ETV6: variants seen among roughly 807,000 people sequenced by gnomAD.
ETV6 encodes transcription factor ETV6.
ETV6 carries 16 observed loss-of-function variants against 51.1 expected under a neutral mutation model. The observed-to-expected ratio is 0.31, with a 90% confidence interval of 0.21 to 0.48. ETV6 has a LOEUF of 0.48. Ranked by LOEUF, ETV6 falls within the 20% of genes least tolerant of loss-of-function variation. The pLI is 0.99. For synonymous variants in ETV6, 240 were observed against 224.1 expected, an observed-to-expected ratio of 1.07 and a Z score of -0.64; for missense variants, 458 against 594.8, an observed-to-expected ratio of 0.77 and a Z score of 2.39.
chr12:11,808,731 G>T (rs1289828376), intron 2 of ETV6, among the ~76,000 whole-genome samples: 1 of 152,118 alleles, frequency 6.6e-6, no homozygotes, highest in Non-Finnish European at 1.5e-5. Flanking sequence ...CACCAAAGAG[G>T]GTAATAGCAG....
At chr12:11,833,447 A>G (rs1946271444) in intron 2 of ETV6, among the ~76,000 whole-genome samples, 1 of 152,094 alleles carries the variant, frequency 6.6e-6, no homozygotes, top group South Asian at 2.1e-4. Flanking sequence ...CAGTGCCTGC[A>G]TGCTGAACTA....
chr12:11,831,839 C>T (rs1946250563), intron 2 of ETV6, among the ~76,000 whole-genome samples: 1 of 152,146 alleles, frequency 6.6e-6, no homozygotes, highest in Non-Finnish European at 1.5e-5. Flanking sequence ...AATAACACTG[C>T]AATAGACATC....
At chr12:11,838,241 A>C (rs1241073203) in intron 2 of ETV6, among the ~76,000 whole-genome samples, 6 of 152,228 alleles carry the variant, frequency 3.9e-5, no homozygotes, top group Non-Finnish European at 8.8e-5. Context: ...AAGATGTTTT[A>C]CTTCATAGGC....
At chr12:11,714,184 G>A (rs1036432845) in intron 1 of ETV6, among the ~76,000 whole-genome samples, 1 of 152,288 alleles carries the variant, frequency 6.6e-6, no homozygotes, top group East Asian at 1.9e-4. Context: ...TAACGTTGGA[G>A]ATGAGAGGAA....
chr12:11,721,170 T>C lies in ETV6; in HGVS notation c.34-31280T>C, dbSNP rs562464264. Among the ~76,000 whole-genome samples, 7 of 152,230 alleles carry C rather than the reference T, an allele frequency of 4.6e-5. No individual in the cohort carries two copies. The South Asian group carries it at 1.5e-3, about 32-fold the overall frequency. Reference sequence around the variant, plus strand: ...GAAAGCAGTTTGGAGATTTCTCAACTTAAAACAGAGCTACCATTCAGCCCA... The same window carrying C: ...GAAAGCAGTTTGGAGATTTCTCAACCTAAAACAGAGCTACCATTCAGCCCA... On this transcript the variant is annotated intron_variant, in intron 1 of 7. Coordinates refer to ENST00000396373, the MANE Select transcript of ETV6 (RefSeq NM_001987.5).
chr12:11,876,591 T>C (rs914462825), intron 5 of ETV6, among the ~76,000 whole-genome samples: 1 of 152,206 alleles, frequency 6.6e-6, no homozygotes, highest in African/African-American at 2.4e-5. Flanking sequence ...AGGAAGAAGA[T>C]TCGTTGGTAC....
chr12:11,761,809 A>T (rs547451800), intron 2 of ETV6, among the ~76,000 whole-genome samples: 33 of 152,358 alleles, frequency 2.2e-4, no homozygotes, highest in African/African-American at 7.7e-4. Context: ...GCCTGAGTAT[A>T]TGATTCCTAA....
intron 2 of ETV6, among the ~76,000 whole-genome samples, chr12:11,786,509 A>C (rs1008954703): frequency 6.6e-6 from 1 of 152,254 alleles, no homozygotes; most frequent in African/African-American, 2.4e-5. Flanking sequence ...TTTCTGATCA[A>C]ATATGATGCA....
At chr12:11,889,263 G>T (rs940364515) in intron 7 of ETV6, among the ~76,000 whole-genome samples, 1 of 152,178 alleles carries the variant, frequency 6.6e-6, no homozygotes, top group African/African-American at 2.4e-5. Flanking sequence ...AAGTTTGCCA[G>T]TAATGAGCAG....
intron 1 of ETV6, among the ~76,000 whole-genome samples, chr12:11,746,154 A>C (rs1865904628): frequency 6.6e-6 from 1 of 152,176 alleles, no homozygotes; most frequent in African/African-American, 2.4e-5. Context: ...TTCTGTGAGG[A>C]GTGAGGATGC....
intron 1 of ETV6, among the ~76,000 whole-genome samples, chr12:11,687,209 G>GT (rs1864649535): frequency 2.6e-5 from 2 of 77,354 alleles, no homozygotes; most frequent in African/African-American, 5.1e-5. Flanking sequence ...CCTTTTTTCT[G>GT]TTCTTTTTTT....
At chr12:11,785,280 T>C (rs939951613) in intron 2 of ETV6, among the ~76,000 whole-genome samples, 3 of 152,146 alleles carry the variant, frequency 2.0e-5, no homozygotes, top group African/African-American at 7.2e-5. Context: ...CTACCAAATA[T>C]ATACTTGAAC....
At chr12:11,750,792 CTTTTTTT>C (rs6144613) in intron 1 of ETV6, 160 of 369,842 alleles carry the variant, frequency 4.3e-4, no homozygotes, top group Middle Eastern at 1.8e-3. Context: ...TATGTGTGGG[CTTTTTTT>C]TTTTTTTTTT....
intron 1 of ETV6, among the ~76,000 whole-genome samples, chr12:11,663,239 T>C (rs1418277574): frequency 6.6e-6 from 1 of 151,856 alleles, no homozygotes; most frequent in Non-Finnish European, 1.5e-5. Context: ...GGTTCCTAGG[T>C]ACAGCTACCA....
intron 2 of ETV6, among the ~76,000 whole-genome samples, chr12:11,798,268 T>C (rs1215355888): frequency 6.6e-6 from 1 of 152,066 alleles, no homozygotes; most frequent in Admixed American, 6.6e-5. Context: ...ATTTGGGCCA[T>C]GAAGGAAATT....
At chr12:11,684,041 G>A (rs1399754067) in intron 1 of ETV6, among the ~76,000 whole-genome samples, 1 of 152,172 alleles carries the variant, frequency 6.6e-6, no homozygotes, top group Non-Finnish European at 1.5e-5. Flanking sequence ...TGGATAGAGG[G>A]TAAAGGTAGT....
intron 2 of ETV6, among the ~76,000 whole-genome samples, chr12:11,807,832 G>A (rs1485362565): frequency 6.6e-6 from 1 of 152,304 alleles, no homozygotes; most frequent in South Asian, 2.1e-4. Flanking sequence ...AAGAATGTAG[G>A]TGGTATCAAA....
intron 1 of ETV6, among the ~76,000 whole-genome samples, chr12:11,719,222 G>A (rs1404291669): frequency 1.3e-5 from 2 of 152,234 alleles, no homozygotes; most frequent in Non-Finnish European, 2.9e-5. Context: ...CAGGAGGCCT[G>A]CATCTCAAGT....
chr12:11,685,939 G>A (rs760991065), intron 1 of ETV6, among the ~76,000 whole-genome samples: 41 of 152,164 alleles, frequency 2.7e-4, no homozygotes, highest in Non-Finnish European at 4.9e-4. Flanking sequence ...GTTACATTTA[G>A]TCCACAGTGG....
Sources: allele counts gnomAD v4.1 joint callset (sites outside exome capture counted in the v4.1 genomes callset), GRCh38; gene constraint gnomAD v4.1.1; transcripts MANE v1.5; gene names NCBI Gene and HGNC (gene_info 2026-07-23, HGNC 2026-07-21).